DIAPH2: variants seen among roughly 807,000 people sequenced by gnomAD.
DIAPH2 encodes the protein protein diaphanous homolog 2.
Under a neutral mutation model 92.7 loss-of-function variants are expected in DIAPH2, and 35 were observed. The ratio of observed to expected loss-of-function variants is 0.38; its 90% CI spans 0.29 to 0.50. The LOEUF (loss-of-function observed/expected upper bound fraction) is 0.50. Ranked by LOEUF, DIAPH2 falls within the 20% of genes least tolerant of loss-of-function variation. DIAPH2 has a pLI of 0.94. For missense variants in DIAPH2, 701 were observed against 819.5 expected (o/e 0.86, Z 1.77); for synonymous variants, 301 against 280.4 (o/e 1.07, Z -0.73).
At chrX:96,720,075 C>T (rs1310483170) in intron 1 of DIAPH2, among the ~76,000 whole-genome samples, 2 of 111,726 alleles carry the variant, frequency 1.8e-5, no homozygotes, top group African/African-American at 3.2e-5. Flanking sequence ...CAATAATTAT[C>T]TTAACCTCAA....
chrX:97,371,972 T>C (rs73552456), intron 24 of DIAPH2, among the ~76,000 whole-genome samples: 2,027 of 112,764 alleles, frequency 0.018, 42 homozygotes, highest in African/African-American at 0.061. Context: ...GAGGTCTACA[T>C]TGGCATGTTG....
At chrX:97,441,269 G>C (rs2147786756) in intron 26 of DIAPH2, among the ~76,000 whole-genome samples, 1 of 110,154 alleles carries the variant, frequency 9.1e-6, no homozygotes, top group East Asian at 2.9e-4. Context: ...TACAAAATTA[G>C]CCGGGCATGG....
intron 17 of DIAPH2, among the ~76,000 whole-genome samples, chrX:97,015,607 G>A (rs1216154795): frequency 1.8e-5 from 2 of 110,888 alleles, no homozygotes; most frequent in Non-Finnish European, 1.9e-5. Flanking sequence ...GTGTAAATAT[G>A]TGTCGGTGTA....
chrX:97,275,360 C>T (rs938116221), intron 23 of DIAPH2, among the ~76,000 whole-genome samples: 9 of 104,392 alleles, frequency 8.6e-5, no homozygotes, highest in South Asian at 8.8e-4. Flanking sequence ...GGCAGCTGGC[C>T]GGGCGGGGGC....
rs960342859 is a variant in DIAPH2, at chrX:97,127,948, C to T, written c.2589+12983C>T. ...GCTTGAGCTTGGGAGGTGGAGGTTG[C>T]AGTGAGCCAAGATCGCGCCACTACA... On this transcript the variant is annotated intron_variant, in intron 21 of 26. Coordinates refer to ENST00000324765, the MANE Select transcript of DIAPH2 (RefSeq NM_006729.5). 2.6e-4 allele frequency among the ~76,000 whole-genome samples: 29 copies of T among 111,027 alleles called. 1 individual carries two copies. Among genetic ancestry groups the T allele is most frequent in the Non-Finnish European group, 2.6e-4 (14 of 53,000 alleles).
intron 1 of DIAPH2, among the ~76,000 whole-genome samples, chrX:96,699,885 T>G (rs1243139897): frequency 8.9e-6 from 1 of 112,712 alleles, no homozygotes; most frequent in African/African-American, 3.2e-5. Flanking sequence ...TTCTGACATC[T>G]AAGGAAAATA....
At chrX:96,973,688 C>CTTTTTTT (rs1169211955) in intron 17 of DIAPH2, among the ~76,000 whole-genome samples, 17 of 46,689 alleles carry the variant, frequency 3.6e-4, no homozygotes, top group East Asian at 1.4e-3. Flanking sequence ...TGAATATTTG[C>CTTTTTTT]TTTTTTTTTT....
intron 23 of DIAPH2, among the ~76,000 whole-genome samples, chrX:97,292,934 A>G (rs1165111149): frequency 8.9e-5 from 10 of 111,764 alleles, no homozygotes; most frequent in African/African-American, 3.2e-4. Flanking sequence ...AGAAAAAAGC[A>G]GTGTTTAAAT....
intron 25 of DIAPH2, among the ~76,000 whole-genome samples, chrX:97,422,296 T>A (rs754567962): frequency 1.3e-4 from 14 of 111,505 alleles, no homozygotes; most frequent in East Asian, 2.8e-4. Flanking sequence ...GTTTTTTTTT[T>A]AAATCTGTTT....
In DIAPH2 at chrX:96,766,456, ATTT is replaced by A. The variant is rs2064304612; in HGVS notation, c.447+8203_447+8205del. On this transcript the variant is annotated intron_variant, in intron 4 of 26. Transcript: ENST00000324765. ...GTGGGATGGTTGTCTTAAGGAAGAA[ATTT>A]TTTTGTTTGTTTTTTTTTCTGCAAC... 2.7e-5 allele frequency among the ~76,000 whole-genome samples: 3 copies of A among 110,374 alleles called. No homozygotes were observed. In the Admixed American group the frequency reaches 2.9e-4, roughly 11 times the overall value.
intron 25 of DIAPH2, among the ~76,000 whole-genome samples, chrX:97,389,727 T>C (rs778324251): frequency 9.0e-6 from 1 of 110,830 alleles, no homozygotes; most frequent in East Asian, 2.8e-4. Context: ...AGAAAGACAT[T>C]AATGATTGCA....
At chrX:97,201,231 A>C (rs1025947966) in intron 22 of DIAPH2, among the ~76,000 whole-genome samples, 5 of 106,038 alleles carry the variant, frequency 4.7e-5, no homozygotes, top group African/African-American at 1.7e-4. Flanking sequence ...AAAAACTCTG[A>C]AAATTCCAAA....
chrX:97,217,162 C>G (rs2067890155), intron 22 of DIAPH2, among the ~76,000 whole-genome samples: 1 of 111,475 alleles, frequency 9.0e-6, no homozygotes, highest in Admixed American at 9.5e-5. Flanking sequence ...GAAATTATGC[C>G]CATCACCATT....
At chrX:96,839,800 G>A (rs914006642) in intron 4 of DIAPH2, among the ~76,000 whole-genome samples, 1 of 111,104 alleles carries the variant, frequency 9.0e-6, no homozygotes, top group African/African-American at 3.3e-5. Context: ...TTTATGTTTG[G>A]AATTTCAATT....
chrX:97,386,198 A>C (rs1333991669), intron 25 of DIAPH2, among the ~76,000 whole-genome samples: 1 of 112,333 alleles, frequency 8.9e-6, no homozygotes, highest in East Asian at 2.8e-4. Context: ...ATATTATGTA[A>C]AAAGCTGTGT....
chrX:97,461,163 G>T (rs369405093), intron 26 of DIAPH2, among the ~76,000 whole-genome samples: 1 of 110,770 alleles, frequency 9.0e-6, no homozygotes, highest in Admixed American at 9.6e-5. Context: ...GAGGGAACTC[G>T]TGTCAGTCTC....
intron 25 of DIAPH2, among the ~76,000 whole-genome samples, chrX:97,419,196 G>A (rs1001646669): frequency 9.0e-6 from 1 of 111,606 alleles, no homozygotes; most frequent in African/African-American, 3.3e-5. Flanking sequence ...AGTAGTGGAG[G>A]CTACGGGTGC....
chrX:97,356,460 C>G (rs758690755), intron 24 of DIAPH2, among the ~76,000 whole-genome samples: 40 of 111,837 alleles, frequency 3.6e-4, no homozygotes, highest in Admixed American at 1.1e-3. Flanking sequence ...TTATTTTGAT[C>G]TGTTGCAACT....
At chrX:97,459,285 T>G (rs959951717) in intron 26 of DIAPH2, among the ~76,000 whole-genome samples, 1 of 112,138 alleles carries the variant, frequency 8.9e-6, no homozygotes, top group African/African-American at 3.2e-5. Flanking sequence ...GCTATAGTTA[T>G]AGCAAACACT....
Sources: allele counts gnomAD v4.1 joint callset (sites outside exome capture counted in the v4.1 genomes callset), GRCh38; gene constraint gnomAD v4.1.1; transcripts MANE v1.5; gene names NCBI Gene and HGNC (gene_info 2026-07-23, HGNC 2026-07-21).